The following CFAP47 variants were observed in gnomAD, a reference collection of about 807,000 sequenced individuals.
CFAP47 encodes cilia and flagella associated protein 47, also known as cilia- and flagella-associated protein 47.
Under a neutral mutation model 148.1 loss-of-function variants are expected in CFAP47, and 29 were observed. The ratio of observed to expected loss-of-function variants is 0.20; its 90% CI spans 0.15 to 0.27. The LOEUF (loss-of-function observed/expected upper bound fraction) is 0.27. Among genes scored for constraint, CFAP47 ranks in the 10% least tolerant of loss-of-function variants. The pLI is 1.00. For missense variants in CFAP47, 1,872 were observed against 1,697.5 expected (o/e 1.10, Z -1.81); for synonymous variants, 664 against 577.3 (o/e 1.15, Z -2.15).
chrX:36,318,955 C>T (rs781864360), intron 56 of CFAP47, among the ~76,000 whole-genome samples: 72 of 111,759 alleles, frequency 6.4e-4, no homozygotes, highest in Non-Finnish European at 1.5e-4. Flanking sequence ...ATTTTAGGCA[C>T]ATGCCACTGT....
Position 36,251,420 on chromosome X carries a change from C to T in CFAP47, c.7420C>T (p.Pro2474Ser). The change falls in exon 49 of 64, where the codon CCT becomes TCT. Residue 2474 changes from proline to serine, a missense_variant. Coordinates refer to ENST00000378653, the MANE Select transcript of CFAP47 (RefSeq NM_001304548.2). ...KEILYLIHVR[P>S]WKRGILKGTI... ...AATTCTGTACCTGATTCATGTGCGCCCTTGGAAACGTGGTATATTGAAAGG... is the reference window on the plus strand; with the variant it reads ...AATTCTGTACCTGATTCATGTGCGCTCTTGGAAACGTGGTATATTGAAAGG... 4.0e-6 allele frequency: 2 copies of T among 503,695 alleles called. No individual in the cohort carries two copies. Among genetic ancestry groups the T allele is most frequent in the South Asian group, 5.1e-5 (2 of 38,880 alleles). The allele number at this position is 503,695 out of a possible 1,213,427, so 41.5% of individuals were successfully genotyped here.
chrX:36,046,009 T>C (rs1223283088), intron 25 of CFAP47, among the ~76,000 whole-genome samples: 2 of 111,711 alleles, frequency 1.8e-5, no homozygotes, highest in Non-Finnish European at 3.8e-5. Flanking sequence ...ATTTTCAAAC[T>C]GGATTTATAA....
intron 1 of CFAP47, among the ~76,000 whole-genome samples, chrX:35,923,374 A>G (rs1422478545): frequency 2.7e-5 from 3 of 111,527 alleles, no homozygotes; most frequent in Non-Finnish European, 5.6e-5. Context: ...TGCATAATAG[A>G]TATTATTTCT....
chrX:36,155,161 T>A (rs1939352972), intron 37 of CFAP47, among the ~76,000 whole-genome samples: 1 of 110,808 alleles, frequency 9.0e-6, no homozygotes, highest in Admixed American at 9.7e-5. Flanking sequence ...GACATCCTGT[T>A]CTTAAATTGA....
At chrX:36,017,648 C>T (rs895679232) in intron 22 of CFAP47, among the ~76,000 whole-genome samples, 2 of 111,496 alleles carry the variant, frequency 1.8e-5, no homozygotes, top group Non-Finnish European at 3.8e-5. Flanking sequence ...TAAGTCTTTT[C>T]CCCATTGTGT....
intron 49 of CFAP47, among the ~76,000 whole-genome samples, chrX:36,254,394 A>G (rs781987308): frequency 6.7e-4 from 75 of 111,633 alleles, no homozygotes; most frequent in African/African-American, 2.3e-3. Flanking sequence ...ATTTTAGGGC[A>G]GAGTTTTGTT....
At chrX:36,149,363 G>A (rs980923655) in intron 37 of CFAP47, 140 bp downstream of exon 37, 13 of 257,772 alleles carry the variant, frequency 5.0e-5, no homozygotes, top group African/African-American at 2.6e-4. Context: ...ACAAATATTC[G>A]TATGTTTCTA....
intron 49 of CFAP47, among the ~76,000 whole-genome samples, chrX:36,278,517 A>T (rs1445878469): frequency 8.9e-6 from 1 of 112,495 alleles, no homozygotes; most frequent in Non-Finnish European, 1.9e-5. Context: ...TTGGCTAGGA[A>T]AAGCAAATCC....
chrX:36,200,998 T>C (rs1455662979), intron 43 of CFAP47, among the ~76,000 whole-genome samples: 1 of 110,663 alleles, frequency 9.0e-6, no homozygotes, highest in Non-Finnish European at 1.9e-5. Flanking sequence ...AGGAGCACAA[T>C]GGTCACTGAA....
intron 55 of CFAP47, among the ~76,000 whole-genome samples, chrX:36,307,655 C>T (rs1941361777): frequency 1.8e-5 from 2 of 110,811 alleles, no homozygotes; most frequent in South Asian, 7.6e-4. Context: ...GAGGAATGTA[C>T]TTTATATCTT....
chrX:36,149,670 A>G (rs1939283932), intron 37 of CFAP47, among the ~76,000 whole-genome samples: 1 of 107,224 alleles, frequency 9.3e-6, no homozygotes. Flanking sequence ...GTGCAGTGGC[A>G]CGATCTTGGC....
chrX:36,121,375 A>G (rs1367838786), intron 33 of CFAP47, among the ~76,000 whole-genome samples: 4 of 111,158 alleles, frequency 3.6e-5, no homozygotes. Context: ...ATTATTATTG[A>G]TAAGTAAGTA....
Position 35,951,229 on chromosome X carries a change from T to C in CFAP47, c.755T>C (p.Leu252Pro). Reference protein sequence around the residue: ...ELLSMSSDRRLECIHFGPVFF... With the variant: ...ELLSMSSDRRPECIHFGPVFF... The stretch of plus-strand genomic sequence containing the variant: ...TTAAGCATGAGTAGTGACAGAAGGC[T>C]GGAATGCATACACTTTGGTCCTGTT... The change falls in exon 5 of 64, where the codon CTG becomes CCG. Residue 252 changes from leucine to proline, a missense_variant. Transcript: ENST00000378653. The C allele has an allele frequency of 8.3e-7, 1 of 1,208,807 alleles. No individual in the cohort carries two copies. Among genetic ancestry groups the C allele is most frequent in the Non-Finnish European group, 1.1e-6 (1 of 893,022 alleles).
intron 26 of CFAP47, among the ~76,000 whole-genome samples, chrX:36,047,516 G>A (rs1937481121): frequency 8.9e-6 from 1 of 111,890 alleles, no homozygotes; most frequent in African/African-American, 3.2e-5. Flanking sequence ...ACTTTAACGG[G>A]GTGAGGAGAT....
intron 57 of CFAP47, among the ~76,000 whole-genome samples, chrX:36,340,765 A>G (rs1556015595): frequency 9.0e-6 from 1 of 111,120 alleles, no homozygotes; most frequent in Admixed American, 9.6e-5. Context: ...AGGAAGAACA[A>G]ATTACAGGAT....
intron 33 of CFAP47, among the ~76,000 whole-genome samples, chrX:36,117,550 G>A (rs1264839440): frequency 8.9e-6 from 1 of 111,981 alleles, no homozygotes; most frequent in Admixed American, 9.5e-5. Context: ...TTTCTTTTGA[G>A]AAATGCCTAT....
chrX:36,326,942 T>C, intron 57 of CFAP47, among the ~76,000 whole-genome samples: 1 of 111,502 alleles, frequency 9.0e-6, no homozygotes, highest in East Asian at 2.8e-4. Context: ...TTTCACCATA[T>C]ACAAAAATTA....
intron 49 of CFAP47, among the ~76,000 whole-genome samples, chrX:36,277,801 A>T (rs1053450716): frequency 1.8e-5 from 2 of 112,093 alleles, no homozygotes; most frequent in Non-Finnish European, 1.9e-5. Flanking sequence ...AATATAGAAT[A>T]TTACCATCTT....
intron 48 of CFAP47, among the ~76,000 whole-genome samples, chrX:36,240,562 C>A (rs1940530689): frequency 9.0e-6 from 1 of 110,611 alleles, no homozygotes; most frequent in African/African-American, 3.3e-5. Context: ...TAATATGAGT[C>A]AATACAGATT....
Sources: allele counts gnomAD v4.1 joint callset (sites outside exome capture counted in the v4.1 genomes callset), GRCh38; gene constraint gnomAD v4.1.1; transcripts MANE v1.5; gene names NCBI Gene and HGNC (gene_info 2026-07-23, HGNC 2026-07-21).